XPC: variants seen among roughly 807,000 people sequenced by gnomAD.
XPC encodes XPC complex subunit, DNA damage recognition and repair factor.
A neutral mutation model predicts 95.8 loss-of-function variants in XPC; 76 were observed. That is an observed-to-expected ratio of 0.79 (90% CI 0.66 to 0.96). The LOEUF is 0.96. Among genes scored for constraint, XPC ranks in the 40% least tolerant of loss-of-function variants. The pLI is 0.00. For missense variants in XPC, 1,146 were observed against 1,179.8 expected, an observed-to-expected ratio of 0.97 and a Z score of 0.42; for synonymous variants, 442 against 442.1, an observed-to-expected ratio of 1.00 and a Z score of 0.00.
rs368367500 is a variant in XPC at position 14,148,378 on chromosome 3, C to T, written c.2420+184G>A. On this transcript the variant is annotated intron_variant, in intron 13 of 15. Transcript: ENST00000285021. Reference sequence around the variant, plus strand: ...ATTACGATGCCAGTTTCATTGGCTCCGTTCCCTCTGGAGGGAAGCCAGAAT... The same window carrying T: ...ATTACGATGCCAGTTTCATTGGCTCTGTTCCCTCTGGAGGGAAGCCAGAAT... 2.4e-5 allele frequency: 19 copies of T among 804,538 alleles called. 1 individual carries two copies. Among genetic ancestry groups the T allele is most frequent in the African/African-American group, 5.2e-5 (3 of 57,344 alleles). 49.8% of individuals were successfully genotyped at this position (804,538 alleles called of 1,614,324 possible).
In XPC at chr3:14,148,796, T is replaced by C. The variant is rs559282765; in HGVS notation, c.2250+18A>G. The C allele has an allele frequency of 1.2e-6, 2 of 1,613,856 alleles. No homozygotes were observed. The highest frequency in any genetic ancestry group is 1.7e-6 in the Non-Finnish European group (2 of 1,179,762). On this transcript the variant is annotated intron_variant, in intron 12 of 15. Transcript: ENST00000285021. ...AACAAGGCGGCCTGGTCCTGAGCCC[T>C]TCTGATGCTGCCCTTACCTTCCCGT...
chr3:14,155,236 CAA>C (rs1042010771), intron 10 of XPC, among the ~76,000 whole-genome samples: 2 of 152,230 alleles, frequency 1.3e-5, no homozygotes, highest in African/African-American at 4.8e-5. Context: ...TGGGAGGACT[CAA>C]ATCGCCCACT....
At chr3:14,166,023 G>C (rs1696365531) in intron 5 of XPC, 1 of 175,626 alleles carries the variant, frequency 5.7e-6, no homozygotes, top group Admixed American at 5.6e-5. Context: ...GGGCTCACTG[G>C]GCTGCTCTCG....
At position 14,148,795 on chromosome 3, in the gene XPC, C is replaced by T. The variant is rs756389099; in HGVS notation, c.2250+19G>A. The T allele has an allele frequency of 6.2e-7, 1 of 1,613,874 alleles. No homozygotes were observed. Among genetic ancestry groups the T allele is most frequent in the Non-Finnish European group, 8.5e-7 (1 of 1,179,758 alleles). ...GAACAAGGCGGCCTGGTCCTGAGCC[C>T]TTCTGATGCTGCCCTTACCTTCCCG... On this transcript the variant is annotated intron_variant, in intron 12 of 15. Coordinates refer to ENST00000285021, the MANE Select transcript of XPC (RefSeq NM_004628.5).
intron 11 of XPC, 84 bp from the exon 12 acceptor site, chr3:14,149,032 T>A: frequency 6.4e-7 from 1 of 1,571,950 alleles, no homozygotes; most frequent in Non-Finnish European, 8.7e-7. Flanking sequence ...CAGTGCCGCA[T>A]GCCTGGTACC....
At chr3:14,148,278 C>T (rs759801633) in intron 13 of XPC, 21 of 581,628 alleles carry the variant, frequency 3.6e-5, no homozygotes, top group Admixed American at 6.6e-5. Flanking sequence ...AGGCAGCTGC[C>T]GGGGAAAGAT....
chr3:14,173,223 C>T (rs1696686389), intron 1 of XPC, among the ~76,000 whole-genome samples, 161 bp from the exon 2 acceptor site: 1 of 152,232 alleles, frequency 6.6e-6, no homozygotes, highest in Non-Finnish European at 1.5e-5. Context: ...CTCTCAGCTT[C>T]TTCCCACCTG....
chr3:14,162,287 C>A (rs1268702017), intron 7 of XPC, among the ~76,000 whole-genome samples: 1 of 152,182 alleles, frequency 6.6e-6, no homozygotes, highest in Non-Finnish European at 1.5e-5. Flanking sequence ...AAAAACAGAT[C>A]ATCAAATTCA....
intron 9 of XPC, 116 bp from the exon 10 acceptor site, chr3:14,156,611 A>C (rs1424940233): frequency 2.2e-6 from 3 of 1,383,528 alleles, no homozygotes; most frequent in Non-Finnish European, 3.0e-6. Flanking sequence ...CCAAGGTTTC[A>C]TGAACACTAA....
chr3:14,147,077 C>T (rs1373023274), intron 15 of XPC, among the ~76,000 whole-genome samples: 1 of 152,192 alleles, frequency 6.6e-6, no homozygotes, highest in Non-Finnish European at 1.5e-5. Context: ...TGGGACAGGG[C>T]TTGGGGCAGA....
chr3:14,177,858 CT>C (rs1160788639), intron 1 of XPC, among the ~76,000 whole-genome samples: 1 of 114,928 alleles, frequency 8.7e-6, no homozygotes, highest in Non-Finnish European at 1.9e-5. Context: ...TTGAAATACA[CT>C]CTTGAGGCTG....
chr3:14,166,499 G>C (rs1696384058), intron 5 of XPC, among the ~76,000 whole-genome samples: 1 of 151,616 alleles, frequency 6.6e-6, no homozygotes, highest in African/African-American at 2.4e-5. Flanking sequence ...GGAAACCAAA[G>C]CCCACCCTCC....
rs369476443 is a variant in XPC at position 14,158,195 on chromosome 3, G to A, written c.1688C>T (p.Thr563Ile). Reference protein sequence around the residue: ...GQPLTCYKYATKPMTYVVGID... With the variant: ...GQPLTCYKYAIKPMTYVVGID... ...GCCCACCACATAGGTCATGGGCTTG[G>A]TGGCGTACTTGTAACAGGTCAGAGG... Residue 563 changes from threonine to isoleucine, a missense_variant, in exon 9 of 16, where the codon ACC (threonine) becomes ATC (isoleucine). By Grantham distance (89) the Thr-to-Ile change is moderately conservative (BLOSUM62 -1). Transcript: ENST00000285021. This position sits in a 1 kb window ranked among gnomAD's most constrained non-coding sequence, Gnocchi z 5.2. 1 of 1,613,932 alleles carries A rather than the reference G, an allele frequency of 6.2e-7. No individual in the cohort carries two copies. Among genetic ancestry groups the A allele is most frequent in the Admixed American group, 1.7e-5 (1 of 60,028 alleles).
At chr3:14,169,205 A>G (rs920843951) in intron 3 of XPC, among the ~76,000 whole-genome samples, 2 of 152,268 alleles carry the variant, frequency 1.3e-5, no homozygotes, top group Non-Finnish European at 2.9e-5. Context: ...TAAAGGTAGC[A>G]TGACTAGAAG....
chr3:14,167,146 TCCC>T lies in XPC; in HGVS notation c.621+20_621+22del, dbSNP rs767056155. ...CTTTGCACCGACAAGGAAAAGTCCT[TCCC>T]CATCATTCCTTGCCCTTACCTTGTG... is the stretch of plus-strand genomic sequence containing the variant. On this transcript the variant is annotated intron_variant, in intron 5 of 15. Coordinates refer to ENST00000285021, the MANE Select transcript of XPC (RefSeq NM_004628.5). 1.9e-6 allele frequency: 3 copies of T among 1,546,742 alleles called. No homozygotes were observed. Among genetic ancestry groups the T allele is most frequent in the Non-Finnish European group, 2.6e-6 (3 of 1,142,540 alleles).
intron 3 of XPC, among the ~76,000 whole-genome samples, chr3:14,170,192 C>T (rs936350663): frequency 5.9e-5 from 9 of 152,228 alleles, no homozygotes; most frequent in Admixed American, 3.9e-4. Flanking sequence ...CTAAATAGTG[C>T]TGCCTCTCTA....
intron 3 of XPC, among the ~76,000 whole-genome samples, chr3:14,169,341 C>T (rs773585164): frequency 3.3e-5 from 5 of 152,070 alleles, no homozygotes; most frequent in Non-Finnish European, 7.4e-5. Flanking sequence ...ACTTAGTTTA[C>T]AAGAAATACA....
rs1559379848 is a variant in XPC at position 14,165,568 on chromosome 3, CA to C, written c.638del (p.Leu213ArgfsTer2). On this transcript the variant is annotated frameshift_variant, in exon 6 of 16. Transcript: ENST00000285021. LOFTEE classifies it high-confidence loss of function. ...EDTHKVHLLC[L>X]LANGFYRNNI... is the part of the protein sequence containing the mutation. ...TATTTCGATAGAAGCCATTTGCTAGCAGGCAGAGAAGGTGAACCTGTGAAGA... is the reference window on the plus strand; with the variant it reads ...TATTTCGATAGAAGCCATTTGCTAGCGGCAGAGAAGGTGAACCTGTGAAGA... 1 of 1,613,160 alleles carries C rather than the reference CA, an allele frequency of 6.2e-7. No individual in the cohort carries two copies.
At chr3:14,176,244 C>T (rs530192081) in intron 1 of XPC, among the ~76,000 whole-genome samples, 1 of 152,280 alleles carries the variant, frequency 6.6e-6, no homozygotes, top group South Asian at 2.1e-4. Context: ...AGATTAAAAC[C>T]GTAAATTTTT....
Sources: allele counts gnomAD v4.1 joint callset (sites outside exome capture counted in the v4.1 genomes callset), GRCh38; gene constraint gnomAD v4.1.1; non-coding constraint Gnocchi (gnomAD v3.1); transcripts MANE v1.5; gene names NCBI Gene and HGNC (gene_info 2026-07-23, HGNC 2026-07-21).